SLC25A21: variants seen among roughly 807,000 people sequenced by gnomAD.
SLC25A21 encodes the protein mitochondrial 2-oxodicarboxylate carrier.
SLC25A21 carries 47 observed loss-of-function variants against 43.8 expected under a neutral mutation model. The observed-to-expected ratio is 1.07, with a 90% CI of 0.85 to 1.37. The LOEUF (loss-of-function observed/expected upper bound fraction) is 1.37, where lower values mean the gene tolerates loss of function less well. Ranked by LOEUF, SLC25A21 falls within the 40% of genes most tolerant of loss-of-function variation. The pLI is 0.00. For synonymous variants in SLC25A21, 131 were observed against 121.3 expected, an observed-to-expected ratio of 1.08 and a Z score of -0.52; for missense variants, 352 against 350.2, an observed-to-expected ratio of 1.00 and a Z score of -0.04.
intron 2 of SLC25A21, chr14:36,870,463 T>A (rs1381423354): frequency 6.6e-6 from 1 of 152,202 alleles, no homozygotes; most frequent in African/African-American, 2.4e-5. Context: ...AGAATTCTAA[T>A]CTCTGCCATC....
intron 7 of SLC25A21, among the ~76,000 whole-genome samples, chr14:36,688,875 A>G (rs2139147592): frequency 6.6e-6 from 1 of 152,346 alleles, no homozygotes; most frequent in East Asian, 1.9e-4. Context: ...GGTTAAGTAT[A>G]AGAAGGGATT....
At chr14:36,715,481 T>G (rs1248035063) in intron 6 of SLC25A21, among the ~76,000 whole-genome samples, 1 of 152,232 alleles carries the variant, frequency 6.6e-6, no homozygotes, top group Non-Finnish European at 1.5e-5. Context: ...ATTCCAATAC[T>G]ATCTAATCCA....
intron 1 of SLC25A21, among the ~76,000 whole-genome samples, chr14:36,992,745 T>C (rs1748609908): frequency 6.6e-6 from 1 of 152,234 alleles, no homozygotes; most frequent in Non-Finnish European, 1.5e-5. Flanking sequence ...AAGACATTTA[T>C]AGGGGCTGTG....
chr14:36,773,541 G>T (rs981540184), intron 3 of SLC25A21, among the ~76,000 whole-genome samples: 3 of 152,274 alleles, frequency 2.0e-5, no homozygotes, highest in East Asian at 3.9e-4. Context: ...TTTGAATAAG[G>T]TATAAAAGAA....
At chr14:36,900,348 T>C (rs1891364457) in intron 1 of SLC25A21, among the ~76,000 whole-genome samples, 1 of 152,124 alleles carries the variant, frequency 6.6e-6, no homozygotes, top group Admixed American at 6.6e-5. Flanking sequence ...TTTAGGCACA[T>C]GTGTACTCCT....
chr14:36,779,286 TATC>T (rs1357355600), intron 3 of SLC25A21, among the ~76,000 whole-genome samples: 1 of 145,366 alleles, frequency 6.9e-6, no homozygotes, highest in Non-Finnish European at 1.5e-5. Context: ...AATTCTTATA[TATC>T]ATATTATTAC....
At chr14:36,988,005 C>A (rs1197614356) in intron 1 of SLC25A21, among the ~76,000 whole-genome samples, 1 of 152,096 alleles carries the variant, frequency 6.6e-6, no homozygotes, top group Non-Finnish European at 1.5e-5. Flanking sequence ...GTATTATGGA[C>A]AGCCTTCCAA....
chr14:36,776,519 A>G (rs1240022595), intron 3 of SLC25A21, among the ~76,000 whole-genome samples: 1 of 151,552 alleles, frequency 6.6e-6, no homozygotes, highest in African/African-American at 2.4e-5. Context: ...TAGGATTACA[A>G]GCGTGAGCCA....
At position 36,798,902 on chromosome 14, in the gene SLC25A21, A is replaced by AAGAG. The variant is rs10637597; in HGVS notation, c.203+15012_203+15015dup. Reference sequence around the variant, plus strand: ...CTCTTTTTCTTCTAATAGGGAGAGAAAGAGAGAGAGAGAGACAGAGAGAGA... The same window carrying AAGAG: ...CTCTTTTTCTTCTAATAGGGAGAGAAAGAGAGAGAGAGAGAGAGACAGAGAGAGA... On this transcript the variant is annotated intron_variant, in intron 3 of 9. Transcript: ENST00000331299. Among the ~76,000 whole-genome samples, 505 of 150,844 alleles carry AAGAG rather than the reference A, an allele frequency of 3.3e-3. 1 individual carries two copies. The highest frequency in any genetic ancestry group is 0.017 in the Middle Eastern group (5 of 294).
At chr14:36,801,139 C>T (rs141833653) in intron 3 of SLC25A21, among the ~76,000 whole-genome samples, 1 of 152,286 alleles carries the variant, frequency 6.6e-6, no homozygotes, top group Admixed American at 6.5e-5. Context: ...GCCCTTCCAC[C>T]TGGCTGGACT....
intron 6 of SLC25A21, 25 bp from the exon 7 acceptor site, chr14:36,711,507 G>C (rs747625704): frequency 5.0e-6 from 8 of 1,609,946 alleles, no homozygotes; most frequent in Non-Finnish European, 8.5e-7. Context: ...AGCAAGGCCA[G>C]AATGATCATC....
chr14:37,151,429 A>G (rs1030697219), intron 1 of SLC25A21, among the ~76,000 whole-genome samples: 1 of 152,250 alleles, frequency 6.6e-6, no homozygotes, highest in African/African-American at 2.4e-5. Context: ...GGAGAATTTC[A>G]TACTTAAGCT....
At chr14:36,895,903 G>A (rs1006255307) in intron 1 of SLC25A21, among the ~76,000 whole-genome samples, 11 of 152,216 alleles carry the variant, frequency 7.2e-5, no homozygotes, top group African/African-American at 2.4e-4. Context: ...TGGTCTGAGA[G>A]ACAGTTTGTT....
chr14:36,774,264 T>G (rs1050936964), intron 3 of SLC25A21, among the ~76,000 whole-genome samples: 1 of 152,236 alleles, frequency 6.6e-6, no homozygotes, highest in Non-Finnish European at 1.5e-5. Flanking sequence ...ATGCTAGTGG[T>G]CTAATCAATT....
rs138171237 is a variant in SLC25A21, at chr14:37,156,521, T to C, written c.70+15760A>G. Among the ~76,000 whole-genome samples, 7 of 152,236 alleles carry C rather than the reference T, an allele frequency of 4.6e-5. No individual in the cohort carries two copies. In the East Asian group the frequency reaches 1.4e-3, roughly 29 times the overall value. On this transcript the variant is annotated intron_variant, in intron 1 of 9. Transcript: ENST00000331299. ...TAAAAACTATCTTCCAACTATATAC[T>C]GCTTACAAGAAACTCAACTTATCAA...
rs17105263 is a variant in SLC25A21, at chr14:36,768,520, T to C, written c.204-33947A>G. ...CCTCTTCTGACATACACAGGCTTTC[T>C]AATTGTGGCTGCAGCATCCCTACTA... On this transcript the variant is annotated intron_variant, in intron 3 of 9. Coordinates refer to ENST00000331299, the MANE Select transcript of SLC25A21 (RefSeq NM_030631.4). 9.8e-4 allele frequency among the ~76,000 whole-genome samples: 150 copies of C among 152,334 alleles called. 3 individuals carry two copies. In the East Asian group the frequency reaches 0.028, roughly 29 times the overall value.
At chr14:37,103,827 T>C (rs989824757) in intron 1 of SLC25A21, among the ~76,000 whole-genome samples, 2 of 152,208 alleles carry the variant, frequency 1.3e-5, no homozygotes. Flanking sequence ...ATGAGCTTGG[T>C]ACTGAATCAT....
At chr14:37,153,065 C>T (rs2138937031) in intron 1 of SLC25A21, among the ~76,000 whole-genome samples, 1 of 152,254 alleles carries the variant, frequency 6.6e-6, no homozygotes, top group South Asian at 2.1e-4. Flanking sequence ...GGGTGAGTGA[C>T]AGACTTCCAG....
At chr14:37,011,841 C>T (rs1960740466) in intron 1 of SLC25A21, among the ~76,000 whole-genome samples, 1 of 152,166 alleles carries the variant, frequency 6.6e-6, no homozygotes. Context: ...ATTCCGAGCA[C>T]AGGTTTACAA....
Sources: allele counts gnomAD v4.1 joint callset (sites outside exome capture counted in the v4.1 genomes callset), GRCh38; gene constraint gnomAD v4.1.1; transcripts MANE v1.5; gene names NCBI Gene and HGNC (gene_info 2026-07-23, HGNC 2026-07-21).